PPFIA3: variants seen among roughly 807,000 people sequenced by gnomAD.
PPFIA3 encodes liprin-alpha-3.
In PPFIA3, 26 loss-of-function variants were observed where a neutral mutation model predicts 145.8. That is an observed-to-expected ratio of 0.18 (90% CI 0.13 to 0.25). The LOEUF is 0.25. Ranked by LOEUF, PPFIA3 falls within the 10% of genes least tolerant of loss-of-function variation. PPFIA3 has a pLI of 1.00. For missense variants in PPFIA3, 1,008 were observed against 1,587.8 expected (o/e 0.63, Z 6.21); for synonymous variants, 645 against 661.4 (o/e 0.98, Z 0.38).
intron 1 of PPFIA3, among the ~76,000 whole-genome samples, chr19:49,125,932 TG>T (rs992364559): frequency 1.0e-5 from 1 of 100,402 alleles, no homozygotes; most frequent in African/African-American, 4.1e-5. Flanking sequence ...GTATTTTTTT[TG>T]TTTTTTTTTG....
intron 1 of PPFIA3, chr19:49,125,434 G>T (rs2040985345): frequency 6.6e-6 from 1 of 152,310 alleles, no homozygotes; most frequent in Admixed American, 6.5e-5. Context: ...TGGACCCGTC[G>T]GACCTGATGT....
At chr19:49,127,356 C>T (rs1281561759) in intron 1 of PPFIA3, among the ~76,000 whole-genome samples, 4 of 140,186 alleles carry the variant, frequency 2.9e-5, no homozygotes, top group Admixed American at 7.4e-5. Context: ...TCACTGCACT[C>T]CAGCCTGGGT....
In PPFIA3 at chr19:49,130,877, T is replaced by G. The variant is rs1223603886; in HGVS notation, c.879+278T>G. On this transcript the variant is annotated intron_variant, in intron 7 of 29. Coordinates refer to ENST00000334186, the MANE Select transcript of PPFIA3 (RefSeq NM_003660.4). This position sits in a 1 kb window ranked among gnomAD's most constrained non-coding sequence, Gnocchi z 4.5. ...CTCTAAATGGATTTTTTTTTTCTTTTGTGAGGCAGAGTCTGGCTGTGTCGC... is the reference window on the plus strand; with the variant it reads ...CTCTAAATGGATTTTTTTTTTCTTTGGTGAGGCAGAGTCTGGCTGTGTCGC... 6.6e-5 allele frequency among the ~76,000 whole-genome samples: 10 copies of G among 152,168 alleles called. No homozygotes were observed. Among genetic ancestry groups the G allele is most frequent in the Non-Finnish European group, 1.3e-4 (9 of 68,026 alleles).
chr19:49,139,647 A>G (rs1316016955), intron 16 of PPFIA3, 21 bp from the exon 17 acceptor site: 1 of 1,551,034 alleles, frequency 6.4e-7, no homozygotes, highest in Non-Finnish European at 8.7e-7. Flanking sequence ...TCAATCCAGC[A>G]TCTGTGCCCT....
intron 15 of PPFIA3, 65 bp from the exon 16 acceptor site, chr19:49,138,140 C>A: frequency 1.4e-6 from 2 of 1,470,386 alleles, no homozygotes; most frequent in South Asian, 1.4e-5. Flanking sequence ...CCATTGTGCT[C>A]CCAGATTCCC....
At chr19:49,142,203 C>A in intron 20 of PPFIA3, 88 bp downstream of exon 20, 1 of 1,276,420 alleles carries the variant, frequency 7.8e-7, no homozygotes, top group Non-Finnish European at 1.1e-6. Flanking sequence ...TCCTGGCGCA[C>A]CCTGCTTCTA....
rs745469753 is a variant in PPFIA3, at chr19:49,138,421, C to T, written c.2070C>T (p.Asp690=). ...APPSPAREGT[D]KANHVPKEEA... is the part of the protein sequence containing the mutation. ...CTAGCCCTGCCCGTGAGGGCACCGA[C>T]AAGGCTGTGAGTGCTCTGAAGTCTC... The change falls in exon 16 of 30, where the codon GAC becomes GAT. Residue 690 remains aspartate (D), a synonymous_variant. Coordinates refer to ENST00000334186, the MANE Select transcript of PPFIA3 (RefSeq NM_003660.4). 1.9e-6 allele frequency: 3 copies of T among 1,542,268 alleles called. No individual in the cohort carries two copies. The highest frequency in any genetic ancestry group is 2.6e-6 in the Non-Finnish European group (3 of 1,143,284).
At chr19:49,144,908 ATTTCTTTTTCT>A (rs1308731563) in intron 21 of PPFIA3, among the ~76,000 whole-genome samples, 2 of 149,142 alleles carry the variant, frequency 1.3e-5, no homozygotes, top group Admixed American at 1.3e-4. Context: ...ATTGTTGTTA[ATTTCTTTTTCT>A]TTTCTTTTCT....
rs186873123 is a variant in PPFIA3 at position 49,129,734 on chromosome 19, G to T, written c.583-259G>T. Among the ~76,000 whole-genome samples the T allele has an allele frequency of 5.3e-5, 8 of 152,322 alleles. No homozygotes were observed. In the East Asian group the frequency reaches 9.7e-4, roughly 18 times the overall value. ...ACTAAGGAGGAAGTGATTGAATGGG[G>T]AAAAGCGGGGCTAAAGCGGAAACTT... On this transcript the variant is annotated intron_variant, in intron 5 of 29. Transcript: ENST00000334186.
rs111831438 is a variant in PPFIA3, at chr19:49,146,531, A to T, written c.2835+339A>T. 3.4e-3 allele frequency: 1,379 copies of T among 406,594 alleles called. 24 individuals are homozygous for T. Among genetic ancestry groups the T allele is most frequent in the African/African-American group, 0.025 (1,260 of 49,416 alleles). The allele number at this position is 406,594 out of a possible 1,614,324, so 25.2% of individuals were successfully genotyped here. ...GTGGAGGGGGCGGGGGCTACAGTGGACTGCTCAGTGTACCAGGGCCAAGGA... is the reference window on the plus strand; with the variant it reads ...GTGGAGGGGGCGGGGGCTACAGTGGTCTGCTCAGTGTACCAGGGCCAAGGA... On this transcript the variant is annotated intron_variant, in intron 23 of 29. Transcript: ENST00000334186.
chr19:49,132,423 AAGAGAG>A (rs1262016121), intron 7 of PPFIA3, among the ~76,000 whole-genome samples: 1 of 149,226 alleles, frequency 6.7e-6, no homozygotes, highest in Admixed American at 6.7e-5. Flanking sequence ...AAAAAAAAGA[AAGAGAG>A]AGAGAGAACC....
rs201128236 is a variant in PPFIA3 at position 49,139,750 on chromosome 19, G to T, written c.2159G>T (p.Arg720Leu). Reference sequence around the variant, plus strand: ...GGAGACACCCCACCACCCACTCCCCGCTCTGCCCGTCTTGAGAGAATGACC... The same window carrying T: ...GGAGACACCCCACCACCCACTCCCCTCTCTGCCCGTCTTGAGAGAATGACC... The part of the protein sequence containing the change: ...IPGDTPPPTP[R>L]SARLERMTQA... The change falls in exon 17 of 30, where the codon CGC becomes CTC. Residue 720 changes from arginine to leucine, a missense_variant. Arg to Leu is a moderately radical substitution (Grantham distance 102). Transcript: ENST00000334186. 1.2e-6 allele frequency: 2 copies of T among 1,613,818 alleles called. No individual in the cohort carries two copies. Among genetic ancestry groups the T allele is most frequent in the Non-Finnish European group, 1.7e-6 (2 of 1,179,912 alleles).
At chr19:49,137,294 A>T (rs2041150505) in intron 15 of PPFIA3, 1 of 171,642 alleles carries the variant, frequency 5.8e-6, no homozygotes, top group Admixed American at 6.3e-5. Flanking sequence ...CCAACCTCAA[A>T]CACCAAGAAT....
At chr19:49,148,018 CCT>C in intron 23 of PPFIA3, 63 bp from the exon 24 acceptor site, 2 of 1,497,914 alleles carry the variant, frequency 1.3e-6, no homozygotes, top group South Asian at 2.5e-5. Flanking sequence ...GGACTGTACC[CCT>C]CTCATGCACA....
chr19:49,141,472 G>A lies in PPFIA3; in HGVS notation c.2421G>A (p.Lys807=), dbSNP rs2041220461. 1 of 1,613,998 alleles carries A rather than the reference G, an allele frequency of 6.2e-7. No individual in the cohort carries two copies. The highest frequency in any genetic ancestry group is 1.7e-5 in the Admixed American group (1 of 59,986). ...TLATDPLGLA[K]LTGPGDKDRR... is the part of the protein sequence containing the mutation. The stretch of plus-strand genomic sequence containing the variant: ...CCACTGACCCTCTGGGGCTAGCCAA[G>A]CTGACAGGCCCAGGAGACAAGGACC... The change falls in exon 19 of 30, where the codon AAG becomes AAA. Residue 807 remains lysine (K), a synonymous_variant. Transcript: ENST00000334186.
intron 1 of PPFIA3, among the ~76,000 whole-genome samples, chr19:49,124,681 T>C (rs2122524984): frequency 6.6e-6 from 1 of 152,286 alleles, no homozygotes; most frequent in Non-Finnish European, 1.5e-5. Flanking sequence ...CCTTGCTGTG[T>C]TTTTTATTTC....
rs1480691528 is a variant in PPFIA3, at chr19:49,133,098, A to G, written c.977A>G (p.Asn326Ser). 1.2e-6 allele frequency: 2 copies of G among 1,612,596 alleles called. No homozygotes were observed. The highest frequency in any genetic ancestry group is 2.2e-5 in the East Asian group (1 of 44,860). The change falls in exon 8 of 30, where the codon AAC becomes AGC. Residue 326 changes from asparagine to serine, a missense_variant. Transcript: ENST00000334186. The surrounding 1 kb of genome is among the most constrained non-coding windows in gnomAD (Gnocchi z 7.2). ...QREATSLHDA[N>S]DKLENELASK... ...GAGGCCACGTCTCTGCACGACGCCA[A>G]CGACAAACTGGAGAACGAGTTAGCT...
chr19:49,135,056 T>TTTGC lies in PPFIA3; in HGVS notation c.1520+143_1520+144insGCTT, dbSNP rs2041122211. The stretch of plus-strand genomic sequence containing the variant: ...TGTTTTTTGTTTGTTTGTTTGTTTG[T>TTTGC]TTTGAGACAGAGTCTCACTCTGTCG... On this transcript the variant is annotated intron_variant, in intron 13 of 29. Coordinates refer to ENST00000334186, the MANE Select transcript of PPFIA3 (RefSeq NM_003660.4). 4 of 739,536 alleles carry TTTGC rather than the reference T, an allele frequency of 5.4e-6. No homozygotes were observed. The South Asian group carries it at 8.7e-5, about 16-fold the overall frequency. The allele number at this position is 739,536 out of a possible 1,614,324, so 45.8% of individuals were successfully genotyped here. A position where few individuals can be genotyped will look rare whatever the true frequency, so the allele number is the denominator to read the frequency against.
chr19:49,131,837 C>T lies in PPFIA3; in HGVS notation c.880-1164C>T, dbSNP rs1426483180. ...CATCCTGGCTAACTCAGTGAAACCC[C>T]GTCTCCACTAAAAATACAAAAAATT... On this transcript the variant is annotated intron_variant, in intron 7 of 29. Transcript: ENST00000334186. Among the ~76,000 whole-genome samples, 6 of 151,128 alleles carry T rather than the reference C, an allele frequency of 4.0e-5. No homozygotes were observed. The East Asian group carries it at 7.9e-4, about 20-fold the overall frequency.
Sources: allele counts gnomAD v4.1 joint callset (sites outside exome capture counted in the v4.1 genomes callset), GRCh38; gene constraint gnomAD v4.1.1; non-coding constraint Gnocchi (gnomAD v3.1); transcripts MANE v1.5; gene names NCBI Gene and HGNC (gene_info 2026-07-23, HGNC 2026-07-21).